Variants in STXBP5L observed in about 807,000 individuals in gnomAD.
STXBP5L encodes syntaxin-binding protein 5-like.
STXBP5L carries 65 observed loss-of-function variants against 144.5 expected under a neutral mutation model. The observed-to-expected ratio is 0.45, with a 90% CI of 0.37 to 0.55. The LOEUF (loss-of-function observed/expected upper bound fraction) is 0.55, where lower values mean the gene tolerates loss of function less well. Ranked by LOEUF, STXBP5L falls within the 20% of genes least tolerant of loss-of-function variation. The probability of loss-of-function intolerance (pLI) is 0.00; values close to 1 mark genes in which losing one functional copy is unlikely to be tolerated. For missense variants in STXBP5L, 1,298 were observed against 1,405.5 expected (o/e 0.92, Z 1.22); for synonymous variants, 505 against 469.6 (o/e 1.08, Z -0.97).
At chr3:121,205,290 T>C (rs1344343980) in intron 9 of STXBP5L, among the ~76,000 whole-genome samples, 2 of 152,198 alleles carry the variant, frequency 1.3e-5, no homozygotes, top group Non-Finnish European at 2.9e-5. Context: ...AGGGACTTCT[T>C]ACTGTGTTAT....
chr3:121,152,616 C>A, intron 8 of STXBP5L, 56 bp downstream of exon 8: 1 of 1,340,862 alleles, frequency 7.5e-7, no homozygotes, highest in Non-Finnish European at 1.0e-6. Context: ...TGCCTGTTTA[C>A]TACTTTTAAG....
intron 19 of STXBP5L, among the ~76,000 whole-genome samples, chr3:121,296,081 A>G (rs2051637797): frequency 6.6e-6 from 1 of 152,194 alleles, no homozygotes; most frequent in South Asian, 2.1e-4. Flanking sequence ...TTTATTTACC[A>G]TAAAAGTTCT....
rs1209898781 is a variant in STXBP5L, at chr3:121,421,267, A to C, written c.*2170A>C. 1 of 152,204 alleles carries C rather than the reference A, an allele frequency of 6.6e-6. No homozygotes were observed. The highest frequency in any genetic ancestry group is 1.5e-5 in the Non-Finnish European group (1 of 68,032). 9.4% of individuals were successfully genotyped at this position (152,204 alleles called of 1,614,324 possible). A position where few individuals can be genotyped will look rare whatever the true frequency, so the allele number is the denominator to read the frequency against. Reference sequence around the variant, plus strand: ...TTAGAAATAATGAAATTCAGTCCAAAGTAGCAGTACATTTGATGAGTATTT... The same window carrying C: ...TTAGAAATAATGAAATTCAGTCCAACGTAGCAGTACATTTGATGAGTATTT... On this transcript the variant is annotated 3_prime_UTR_variant, in exon 27 of 27. Coordinates refer to ENST00000471454, the MANE Select transcript of STXBP5L (RefSeq NM_001308330.2).
chr3:121,016,675 T>C (rs1452889242), intron 3 of STXBP5L, among the ~76,000 whole-genome samples: 1 of 151,858 alleles, frequency 6.6e-6, no homozygotes, highest in African/African-American at 2.4e-5. Context: ...GAAGAAAGAG[T>C]GAGCAAAACA....
rs140073226 is a variant in STXBP5L at position 121,183,798 on chromosome 3, A to G, written c.878-22125A>G. Among the ~76,000 whole-genome samples, 63 of 152,172 alleles carry G rather than the reference A, an allele frequency of 4.1e-4. 1 individual carries two copies. In the East Asian group the frequency reaches 8.7e-3, roughly 21 times the overall value. ...CAGCTTCCAGCAGGGGTTGACAGACACCTCATACAGGAGAGCTCCAGCTGG... is the reference window on the plus strand; with the variant it reads ...CAGCTTCCAGCAGGGGTTGACAGACGCCTCATACAGGAGAGCTCCAGCTGG... On this transcript the variant is annotated intron_variant, in intron 9 of 26. Transcript: ENST00000471454.
intron 5 of STXBP5L, among the ~76,000 whole-genome samples, chr3:121,102,671 C>G (rs888492013): frequency 6.6e-6 from 1 of 152,044 alleles, no homozygotes; most frequent in African/African-American, 2.4e-5. Context: ...TCTTCAAAAG[C>G]AATTACAGCA....
intron 20 of STXBP5L, among the ~76,000 whole-genome samples, chr3:121,367,888 G>A (rs1386097611): frequency 6.9e-6 from 1 of 144,010 alleles, no homozygotes; most frequent in Non-Finnish European, 1.5e-5. Flanking sequence ...GCCTCCCAAA[G>A]TGCTGGAGTT....
Position 121,001,119 on chromosome 3 carries a change from G to A in STXBP5L, c.288-40581G>A, listed in dbSNP as rs141072228. On this transcript the variant is annotated intron_variant, in intron 3 of 26. Coordinates refer to ENST00000471454, the MANE Select transcript of STXBP5L (RefSeq NM_001308330.2). ...ATCCATGCCCACATGCATGTGCTGGGAGTGGCAGGTGGCAGCAGCATGGCA... is the reference window on the plus strand; with the variant it reads ...ATCCATGCCCACATGCATGTGCTGGAAGTGGCAGGTGGCAGCAGCATGGCA... 2.0e-3 allele frequency among the ~76,000 whole-genome samples: 304 copies of A among 152,366 alleles called. 6 individuals carry two copies. Among genetic ancestry groups the A allele is most frequent in the Middle Eastern group, 0.017 (5 of 294 alleles).
intron 2 of STXBP5L, among the ~76,000 whole-genome samples, chr3:120,936,427 G>C (rs1233268408): frequency 6.6e-6 from 1 of 152,160 alleles, no homozygotes; most frequent in Admixed American, 6.5e-5. Flanking sequence ...GGATAAAAGG[G>C]ACTGAGATAC....
At chr3:121,294,776 G>A (rs1032833970) in intron 19 of STXBP5L, among the ~76,000 whole-genome samples, 7 of 151,964 alleles carry the variant, frequency 4.6e-5, no homozygotes, top group Non-Finnish European at 1.5e-5. Context: ...CTTCACAGAA[G>A]AAAAAACAAA....
intron 2 of STXBP5L, among the ~76,000 whole-genome samples, chr3:120,945,666 C>T (rs955006966): frequency 3.3e-5 from 5 of 151,738 alleles, no homozygotes; most frequent in East Asian, 1.9e-4. Flanking sequence ...GAGAGTAAAA[C>T]GAAGCTGGTA....
At chr3:120,976,928 G>A (rs969024168) in intron 3 of STXBP5L, among the ~76,000 whole-genome samples, 1 of 151,954 alleles carries the variant, frequency 6.6e-6, no homozygotes, top group Non-Finnish European at 1.5e-5. Context: ...TATAATTTCT[G>A]TTCTTTTACA....
Position 121,089,001 on chromosome 3 carries a change from G to A in STXBP5L, c.471-25924G>A, listed in dbSNP as rs376076881. Among the ~76,000 whole-genome samples, 37 of 106,596 alleles carry A rather than the reference G, an allele frequency of 3.5e-4. No individual in the cohort carries two copies. In the South Asian group the frequency reaches 5.1e-3, roughly 15 times the overall value. 69.9% of individuals were successfully genotyped at this position (106,596 alleles called of 152,430 possible). A position where few individuals can be genotyped will look rare whatever the true frequency, so the allele number is the denominator to read the frequency against. ...AGATATACCTAATGCTAGATGACAC[G>A]TTAGTGGGTGCAGCACACCAGCATG... On this transcript the variant is annotated intron_variant, in intron 5 of 26. Coordinates refer to ENST00000471454, the MANE Select transcript of STXBP5L (RefSeq NM_001308330.2).
intron 3 of STXBP5L, among the ~76,000 whole-genome samples, chr3:120,980,451 A>T (rs1440895517): frequency 7.8e-6 from 1 of 128,450 alleles, no homozygotes; most frequent in Non-Finnish European, 1.6e-5. Context: ...ATCACCATAT[A>T]ATGTCCTGCT....
chr3:121,004,429 A>G (rs920081408), intron 3 of STXBP5L, among the ~76,000 whole-genome samples: 1 of 151,956 alleles, frequency 6.6e-6, no homozygotes, highest in Non-Finnish European at 1.5e-5. Flanking sequence ...GAAGTTGCCT[A>G]TCAGCTTAAG....
intron 20 of STXBP5L, among the ~76,000 whole-genome samples, chr3:121,368,287 G>A (rs1490940769): frequency 1.3e-5 from 2 of 151,918 alleles, no homozygotes; most frequent in Non-Finnish European, 2.9e-5. Context: ...TTTCATTTCG[G>A]TTATTATACT....
intron 5 of STXBP5L, among the ~76,000 whole-genome samples, chr3:121,057,693 G>A (rs1047399543): frequency 2.0e-5 from 3 of 151,688 alleles, no homozygotes; most frequent in Non-Finnish European, 4.4e-5. Flanking sequence ...CTATTTAATG[G>A]ATATTCTGCA....
intron 14 of STXBP5L, among the ~76,000 whole-genome samples, chr3:121,247,097 C>T (rs760042236): frequency 6.6e-6 from 1 of 152,126 alleles, no homozygotes; most frequent in Non-Finnish European, 1.5e-5. Flanking sequence ...CTGAATAAAG[C>T]TGTTAAAGTA....
At chr3:120,997,154 G>T (rs1442242388) in intron 3 of STXBP5L, among the ~76,000 whole-genome samples, 3 of 152,128 alleles carry the variant, frequency 2.0e-5, no homozygotes, top group Admixed American at 6.6e-5. Context: ...ATTTTCCATG[G>T]TGTATATGTA....
Sources: gnomAD v4.1 joint callset for allele counts (sites outside exome capture counted in the v4.1 genomes callset) on GRCh38, gnomAD v4.1.1 for gene constraint, MANE v1.5 for transcripts, NCBI Gene and HGNC (gene_info 2026-07-23, HGNC 2026-07-21) for gene names.